The following KITLG variants were observed in gnomAD, a reference collection of about 807,000 sequenced individuals.
KITLG encodes the protein KIT ligand.
KITLG carries 13 observed loss-of-function variants against 34.1 expected under a neutral mutation model. That is an observed-to-expected ratio of 0.38 (90% CI 0.25 to 0.61). KITLG has a LOEUF of 0.61. KITLG is among the 20% of genes least tolerant of loss of function. KITLG has a pLI of 0.60. For synonymous variants in KITLG, 110 were observed against 104.0 expected, an observed-to-expected ratio of 1.06 and a Z score of -0.35; for missense variants, 292 against 318.9, an observed-to-expected ratio of 0.92 and a Z score of 0.64.
chr12:88,552,717 A>C (rs2120931045), intron 1 of KITLG, among the ~76,000 whole-genome samples: 1 of 151,890 alleles, frequency 6.6e-6, no homozygotes, highest in East Asian at 1.9e-4. Flanking sequence ...CATGCCTCTG[A>C]GTAAGATTCT....
chr12:88,568,282 T>C (rs1287020736), intron 1 of KITLG, among the ~76,000 whole-genome samples: 5 of 12,446 alleles, frequency 4.0e-4, no homozygotes, highest in African/African-American at 4.5e-4. Context: ...TATTATCTCA[T>C]TTATTTATTT....
intron 1 of KITLG, among the ~76,000 whole-genome samples, chr12:88,562,150 C>T (rs1404765327): frequency 6.6e-6 from 1 of 152,224 alleles, no homozygotes; most frequent in East Asian, 1.9e-4. Flanking sequence ...TCTCATAGTA[C>T]ATAATCCTCC....
intron 2 of KITLG, among the ~76,000 whole-genome samples, chr12:88,539,536 T>G (rs572473730): frequency 6.6e-6 from 1 of 152,088 alleles, no homozygotes; most frequent in South Asian, 2.1e-4. Context: ...TATCTACCAC[T>G]AATATTGACT....
At chr12:88,548,553 A>G (rs1200846713) in intron 1 of KITLG, among the ~76,000 whole-genome samples, 1 of 152,048 alleles carries the variant, frequency 6.6e-6, no homozygotes, top group African/African-American at 2.4e-5. Flanking sequence ...AACACTCAAG[A>G]TACGTGTGGC....
chr12:88,574,664 C>T (rs1306147349), intron 1 of KITLG, among the ~76,000 whole-genome samples: 1 of 152,158 alleles, frequency 6.6e-6, no homozygotes. Context: ...ACTACATCAT[C>T]AGATCCCTTC....
intron 3 of KITLG, among the ~76,000 whole-genome samples, chr12:88,524,210 A>G (rs1869783009): frequency 6.6e-6 from 1 of 152,346 alleles, no homozygotes; most frequent in South Asian, 2.1e-4. Context: ...CCTCTCACTC[A>G]AAATGCATTG....
intron 4 of KITLG, 92 bp from the exon 5 acceptor site, chr12:88,516,582 C>G: frequency 1.2e-6 from 1 of 821,434 alleles, no homozygotes; most frequent in South Asian, 1.7e-5. Context: ...CTCAAAGATT[C>G]AAGTATTTAG....
chr12:88,558,991 G>A (rs1458694896), intron 1 of KITLG, among the ~76,000 whole-genome samples: 1 of 152,092 alleles, frequency 6.6e-6, no homozygotes, highest in Non-Finnish European at 1.5e-5. Flanking sequence ...GGTGATGGGT[G>A]CACCAAAATC....
Position 88,515,517 on chromosome 12 carries a change from C to T in KITLG, c.604+17G>A. The stretch of plus-strand genomic sequence containing the variant: ...AATTGGAGCCATGCATGCATTAAAT[C>T]AGATATATGTACTTACTATTACTGC... On this transcript the variant is annotated intron_variant, in intron 6 of 9. Coordinates refer to ENST00000644744, the MANE Select transcript of KITLG (RefSeq NM_000899.5). The T allele has an allele frequency of 6.5e-7, 1 of 1,543,674 alleles. No individual in the cohort carries two copies. Among genetic ancestry groups the T allele is most frequent in the Non-Finnish European group, 9.0e-7 (1 of 1,116,792 alleles).
rs557422311 is a variant in KITLG, at chr12:88,508,982, T to TG, written c.605-1846_605-1845insC. On this transcript the variant is annotated intron_variant, in intron 6 of 9. Coordinates refer to ENST00000644744, the MANE Select transcript of KITLG (RefSeq NM_000899.5). Reference sequence around the variant, plus strand: ...CATTTGAGGAATTTTAATAATACTGTTTGTAAATAAATCATTTGGCTGTTT... The same window carrying TG: ...CATTTGAGGAATTTTAATAATACTGTGTTGTAAATAAATCATTTGGCTGTTT... Among the ~76,000 whole-genome samples, 22 of 152,264 alleles carry TG rather than the reference T, an allele frequency of 1.4e-4. No homozygotes were observed. The South Asian group carries it at 4.6e-3, about 32-fold the overall frequency.
intron 3 of KITLG, among the ~76,000 whole-genome samples, chr12:88,531,123 G>A (rs1353229844): frequency 2.6e-5 from 4 of 152,138 alleles, no homozygotes; most frequent in Non-Finnish European, 4.4e-5. Flanking sequence ...AGATATAAGC[G>A]AACTTCAAAG....
chr12:88,504,818 C>A (rs964586318), intron 9 of KITLG, among the ~76,000 whole-genome samples: 1 of 152,102 alleles, frequency 6.6e-6, no homozygotes, highest in Non-Finnish European at 1.5e-5. Context: ...AAGACACATG[C>A]ACATGTATGA....
In KITLG at chr12:88,545,854, G is replaced by A. The variant is rs746350629; in HGVS notation, c.27C>T (p.Leu9=). MKKTQTWI[L]TCIYLQLLLF... is the part of the protein sequence containing the mutation. ...GGAGCAGCTGAAGATAAATGCAAGT[G>A]AGAATCCAAGTCTAAATGAAAACAG... Residue 9 remains leucine (L), a synonymous_variant, in exon 2 of 10, where the codon CTC becomes CTT. Coordinates refer to ENST00000644744, the MANE Select transcript of KITLG (RefSeq NM_000899.5). 5.6e-6 allele frequency: 9 copies of A among 1,602,882 alleles called. No individual in the cohort carries two copies. The South Asian group carries it at 8.8e-5, about 16-fold the overall frequency.
intron 1 of KITLG, among the ~76,000 whole-genome samples, chr12:88,574,214 T>A (rs1368243001): frequency 6.6e-6 from 1 of 151,574 alleles, no homozygotes; most frequent in Non-Finnish European, 1.5e-5. Context: ...TTCTCCTAGC[T>A]TGAGGAGGGT....
At position 88,516,380 on chromosome 12, in the gene KITLG, A is replaced by G. The variant is rs1320867042; in HGVS notation, c.474T>C (p.Ser158=). 1 of 1,611,204 alleles carries G rather than the reference A, an allele frequency of 6.2e-7. No individual in the cohort carries two copies. Among genetic ancestry groups the G allele is most frequent in the Non-Finnish European group, 8.5e-7 (1 of 1,177,956 alleles). ...IDAFKDFVVA[S]ETSDCVVSST... is the part of the protein sequence containing the mutation. ...AAGAAACCACACAATCACTAGTTTC[A>G]GATGCCACTACAAAGTCCTTGAAGG... is the stretch of plus-strand genomic sequence containing the variant. Residue 158 remains serine, a synonymous_variant, in exon 5 of 10, where the codon TCT becomes TCC. Transcript: ENST00000644744.
At chr12:88,522,913 C>T (rs376209231) in intron 3 of KITLG, among the ~76,000 whole-genome samples, 2 of 152,090 alleles carry the variant, frequency 1.3e-5, no homozygotes, top group Non-Finnish European at 1.5e-5. Flanking sequence ...CCAGTGAGAA[C>T]GTTCTTTTCA....
At chr12:88,536,921 C>T (rs1372755455) in intron 2 of KITLG, among the ~76,000 whole-genome samples, 3 of 151,986 alleles carry the variant, frequency 2.0e-5, no homozygotes, top group African/African-American at 2.4e-5. Context: ...CACCATGGCA[C>T]GTGTATACCT....
intron 1 of KITLG, among the ~76,000 whole-genome samples, chr12:88,573,083 G>A (rs1222749770): frequency 2.0e-5 from 3 of 152,272 alleles, no homozygotes; most frequent in Middle Eastern, 6.8e-3. Context: ...AAATAATGAT[G>A]TATGACTGCT....
At chr12:88,547,332 T>G (rs2120916230) in intron 1 of KITLG, among the ~76,000 whole-genome samples, 1 of 152,366 alleles carries the variant, frequency 6.6e-6, no homozygotes, top group African/African-American at 2.4e-5. Context: ...TATAGTGGTT[T>G]GTATTCAAGA....
Sources: allele counts gnomAD v4.1 joint callset (sites outside exome capture counted in the v4.1 genomes callset), GRCh38; gene constraint gnomAD v4.1.1; transcripts MANE v1.5; gene names NCBI Gene and HGNC (gene_info 2026-07-23, HGNC 2026-07-21).